The following SPOCK1 variants were observed in gnomAD, a reference collection of about 807,000 sequenced individuals.
SPOCK1 encodes testican-1.
A neutral mutation model predicts 55.3 loss-of-function variants in SPOCK1; 23 were observed. The observed-to-expected ratio is 0.42, with a 90% confidence interval of 0.30 to 0.59. The LOEUF (loss-of-function observed/expected upper bound fraction) is 0.59. Ranked by LOEUF, SPOCK1 falls within the 20% of genes least tolerant of loss-of-function variation. SPOCK1 has a pLI of 0.22. For missense variants in SPOCK1, 499 were observed against 552.5 expected (o/e 0.90, Z 0.97); for synonymous variants, 226 against 221.0 (o/e 1.02, Z -0.20).
chr5:137,273,372 C>T (rs143585490), intron 2 of SPOCK1: 439 of 984,962 alleles, frequency 4.5e-4, no homozygotes, highest in Non-Finnish European at 5.2e-4. Context: ...AATCAAAAAC[C>T]TACCTCAACT....
intron 4 of SPOCK1, among the ~76,000 whole-genome samples, chr5:137,119,372 A>G (rs1283684292): frequency 6.6e-6 from 1 of 152,260 alleles, no homozygotes; most frequent in African/African-American, 2.4e-5. Context: ...CATGTTAACC[A>G]TTGAAATAAT....
chr5:137,370,157 C>T (rs1751167629), intron 2 of SPOCK1, among the ~76,000 whole-genome samples: 1 of 152,184 alleles, frequency 6.6e-6, no homozygotes, highest in Admixed American at 6.5e-5. Flanking sequence ...TCAGGACCAA[C>T]CGATTCTGCA....
At chr5:137,437,488 TCAC>T (rs548851603) in intron 2 of SPOCK1, among the ~76,000 whole-genome samples, 62 of 152,254 alleles carry the variant, frequency 4.1e-4, no homozygotes, top group Non-Finnish European at 7.9e-4. Flanking sequence ...TGTGCAACTA[TCAC>T]CACAATGGAT....
At chr5:137,032,992 G>A (rs1751811965) in intron 6 of SPOCK1, among the ~76,000 whole-genome samples, 1 of 152,228 alleles carries the variant, frequency 6.6e-6, no homozygotes, top group Non-Finnish European at 1.5e-5. Context: ...CCTCAGTGCA[G>A]CTAAATCAGG....
At chr5:137,043,621 T>C (rs1305102369) in intron 6 of SPOCK1, among the ~76,000 whole-genome samples, 1 of 152,198 alleles carries the variant, frequency 6.6e-6, no homozygotes, top group Non-Finnish European at 1.5e-5. Flanking sequence ...ATGACACTTG[T>C]GCTGATTCCT....
chr5:137,170,369 C>G (rs796861979), intron 3 of SPOCK1, among the ~76,000 whole-genome samples: 12 of 152,172 alleles, frequency 7.9e-5, no homozygotes, highest in Admixed American at 2.0e-4. Context: ...AAGCACTCCA[C>G]AAGCATTATC....
chr5:137,267,124 C>G (rs1756872933), intron 2 of SPOCK1, 69 bp from the exon 3 acceptor site: 1 of 1,359,898 alleles, frequency 7.4e-7, no homozygotes, highest in African/African-American at 1.5e-5. Flanking sequence ...GCATAAAAAC[C>G]TGCCTTCCTT....
At chr5:137,236,479 A>G (rs138358214) in intron 3 of SPOCK1, among the ~76,000 whole-genome samples, 64 of 152,332 alleles carry the variant, frequency 4.2e-4, no homozygotes, top group African/African-American at 1.4e-3. Flanking sequence ...TGATTTAGTT[A>G]TTTAGACAGG....
chr5:137,116,915 G>A (rs1753596477), intron 4 of SPOCK1, among the ~76,000 whole-genome samples: 1 of 152,072 alleles, frequency 6.6e-6, no homozygotes, highest in Non-Finnish European at 1.5e-5. Context: ...TCTGTGGCCT[G>A]GCTAAAATAT....
chr5:137,382,998 C>T lies in SPOCK1; in HGVS notation c.186+115375G>A, dbSNP rs755156792. On this transcript the variant is annotated intron_variant, in intron 2 of 10. Transcript: ENST00000394945. ...CAATCTCCACGTAGAAGAGCCAGCA[C>T]CAAGCAGCCCCCTGAGGGCCCTGCC... 5.3e-5 allele frequency among the ~76,000 whole-genome samples: 8 copies of T among 152,162 alleles called. 1 individual carries two copies. Among genetic ancestry groups the T allele is most frequent in the African/African-American group, 9.7e-5 (4 of 41,430 alleles).
At chr5:137,400,468 T>G (rs1418550757) in intron 2 of SPOCK1, among the ~76,000 whole-genome samples, 1 of 152,170 alleles carries the variant, frequency 6.6e-6, no homozygotes, top group Non-Finnish European at 1.5e-5. Flanking sequence ...TACCCACATG[T>G]ACACCTGAGA....
intron 6 of SPOCK1, among the ~76,000 whole-genome samples, chr5:137,024,958 T>A (rs965024908): frequency 1.3e-5 from 2 of 152,182 alleles, no homozygotes; most frequent in African/African-American, 4.8e-5. Context: ...AATGCAGCAA[T>A]GTGGATGAAT....
At chr5:136,981,176 C>T (rs1750723756) in intron 9 of SPOCK1, among the ~76,000 whole-genome samples, 1 of 152,124 alleles carries the variant, frequency 6.6e-6, no homozygotes, top group South Asian at 2.1e-4. Context: ...TTTAATCCTC[C>T]AGCTAATTCT....
intron 5 of SPOCK1, among the ~76,000 whole-genome samples, chr5:137,081,994 C>T (rs1752884356): frequency 6.6e-6 from 1 of 152,196 alleles, no homozygotes; most frequent in African/African-American, 2.4e-5. Flanking sequence ...TCTCATTTCT[C>T]CCAGAGCCTG....
intron 3 of SPOCK1, among the ~76,000 whole-genome samples, chr5:137,261,364 T>C (rs555421057): frequency 6.6e-6 from 1 of 152,300 alleles, no homozygotes; most frequent in African/African-American, 2.4e-5. Flanking sequence ...GATAATCCAC[T>C]GGGCTGGTGG....
intron 6 of SPOCK1, among the ~76,000 whole-genome samples, chr5:137,045,158 C>A (rs1198176504): frequency 1.3e-5 from 2 of 151,148 alleles, no homozygotes; most frequent in African/African-American, 2.5e-5. Context: ...GGTATATACC[C>A]AGTAATGGGA....
At chr5:137,271,366 C>T (rs1447182811) in intron 2 of SPOCK1, among the ~76,000 whole-genome samples, 1 of 148,716 alleles carries the variant, frequency 6.7e-6, no homozygotes, top group Non-Finnish European at 1.5e-5. Flanking sequence ...TTTACATATA[C>T]ATATATACAC....
intron 3 of SPOCK1, among the ~76,000 whole-genome samples, chr5:137,243,521 T>A (rs1002961886): frequency 2.0e-5 from 3 of 152,162 alleles, no homozygotes; most frequent in Non-Finnish European, 4.4e-5. Flanking sequence ...CAAACTGATT[T>A]AAAGTTTCTA....
At chr5:137,077,604 T>G (rs534994697) in intron 5 of SPOCK1, among the ~76,000 whole-genome samples, 2 of 152,358 alleles carry the variant, frequency 1.3e-5, no homozygotes, top group Admixed American at 1.3e-4. Context: ...TGTGGCCACC[T>G]TCTGTGTTCC....
Sources: allele counts gnomAD v4.1 joint callset (sites outside exome capture counted in the v4.1 genomes callset), GRCh38; gene constraint gnomAD v4.1.1; transcripts MANE v1.5; gene names NCBI Gene and HGNC (gene_info 2026-07-23, HGNC 2026-07-21).